Variants in PPM1H observed in about 807,000 individuals in gnomAD.
PPM1H encodes the protein protein phosphatase, Mg2+/Mn2+ dependent 1H.
Under a neutral mutation model 54.9 loss-of-function variants are expected in PPM1H, and 27 were observed. The ratio of observed to expected loss-of-function variants is 0.49; its 90% CI spans 0.36 to 0.68. The LOEUF is 0.68. PPM1H is among the 30% of genes least tolerant of loss of function. The pLI is 0.00. For synonymous variants in PPM1H, 305 were observed against 270.8 expected (o/e 1.13, Z -1.24); for missense variants, 596 against 667.8 (o/e 0.89, Z 1.19).
At chr12:62,651,109 A>C (rs1159514694) in intron 9 of PPM1H, among the ~76,000 whole-genome samples, 3 of 152,206 alleles carry the variant, frequency 2.0e-5, no homozygotes, top group African/African-American at 7.2e-5. Flanking sequence ...CCCAGGTATG[A>C]GCTGACTAGA....
intron 2 of PPM1H, among the ~76,000 whole-genome samples, chr12:62,804,905 G>A (rs1265459599): frequency 1.3e-5 from 2 of 151,800 alleles, no homozygotes; most frequent in Admixed American, 6.6e-5. Flanking sequence ...TCGATCTCCT[G>A]ACCTCGTGAT....
At chr12:62,755,695 G>T in intron 4 of PPM1H, 1 of 679,096 alleles carries the variant, frequency 1.5e-6, no homozygotes, top group South Asian at 1.6e-5. Flanking sequence ...CAACTGCTTA[G>T]TGCCTCTGGC....
At chr12:62,801,323 CTT>C (rs11366160) in intron 3 of PPM1H, among the ~76,000 whole-genome samples, 13 of 147,750 alleles carry the variant, frequency 8.8e-5, no homozygotes, top group African/African-American at 2.0e-4. Flanking sequence ...TCTTCTTTTA[CTT>C]TTTTTTTTTT....
At chr12:62,743,097 T>C (rs2076391363) in intron 4 of PPM1H, among the ~76,000 whole-genome samples, 2 of 152,178 alleles carry the variant, frequency 1.3e-5, no homozygotes, top group African/African-American at 4.8e-5. Flanking sequence ...ATGTCTGTAA[T>C]TCCAGCACTT....
intron 1 of PPM1H, among the ~76,000 whole-genome samples, chr12:62,854,281 C>T (rs1311934876): frequency 6.6e-6 from 1 of 152,166 alleles, no homozygotes; most frequent in East Asian, 1.9e-4. Flanking sequence ...GATGGCCACC[C>T]CACCTGCACA....
intron 1 of PPM1H, among the ~76,000 whole-genome samples, chr12:62,890,466 C>T (rs917841323): frequency 6.6e-6 from 1 of 152,022 alleles, no homozygotes; most frequent in African/African-American, 2.4e-5. Flanking sequence ...GTGCTTTCTG[C>T]TCAATTTTGT....
chr12:62,797,694 C>T (rs902562537), intron 3 of PPM1H, among the ~76,000 whole-genome samples: 1 of 152,144 alleles, frequency 6.6e-6, no homozygotes, highest in African/African-American at 2.4e-5. Context: ...TTGGCAATGG[C>T]CTTCCAGCTA....
intron 1 of PPM1H, among the ~76,000 whole-genome samples, chr12:62,843,085 G>A (rs142425712): frequency 3.0e-4 from 46 of 152,356 alleles, no homozygotes; most frequent in African/African-American, 1.1e-3. Context: ...GGAGGCTGAG[G>A]CCGGCGGATT....
intron 1 of PPM1H, among the ~76,000 whole-genome samples, chr12:62,907,287 G>T (rs1441406066): frequency 6.6e-6 from 1 of 152,178 alleles, no homozygotes; most frequent in African/African-American, 2.4e-5. Context: ...AGATTCCCAT[G>T]ATCATTACAT....
intron 1 of PPM1H, among the ~76,000 whole-genome samples, chr12:62,919,495 G>A (rs1198236500): frequency 6.6e-6 from 1 of 152,146 alleles, no homozygotes; most frequent in Non-Finnish European, 1.5e-5. Flanking sequence ...GTTAACAAAG[G>A]TTAATCCTTT....
At chr12:62,822,165 T>C (rs1227504238) in intron 2 of PPM1H, among the ~76,000 whole-genome samples, 1 of 152,092 alleles carries the variant, frequency 6.6e-6, no homozygotes, top group East Asian at 1.9e-4. Context: ...AAGAAGGCCA[T>C]TACATAATGG....
At chr12:62,932,628 C>CTTGTTTTTTTT (rs1872176998) in intron 1 of PPM1H, among the ~76,000 whole-genome samples, 1 of 54,012 alleles carries the variant, frequency 1.9e-5, no homozygotes, top group Non-Finnish European at 3.2e-5. Flanking sequence ...TCCAAATGGG[C>CTTGTTTTTTTT]TTTTTTTTTT....
chr12:62,731,545 C>G (rs2076321137), intron 5 of PPM1H, among the ~76,000 whole-genome samples: 1 of 152,180 alleles, frequency 6.6e-6, no homozygotes, highest in African/African-American at 2.4e-5. Context: ...ACCAGGGAAA[C>G]AGCAGACAAA....
At chr12:62,680,910 C>A (rs74844887) in intron 8 of PPM1H, among the ~76,000 whole-genome samples, 1 of 152,148 alleles carries the variant, frequency 6.6e-6, no homozygotes, top group East Asian at 1.9e-4. Context: ...ACTGAACTCC[C>A]TGGAGTTATT....
chr12:62,644,340 A>G lies in PPM1H; in HGVS notation c.*4149T>C, dbSNP rs996086422. ...AGAAAACTGGGGGCAAAACAGGAGTAAAATAATAACCTCAGGACTCAGGAA... is the reference window on the plus strand; with the variant it reads ...AGAAAACTGGGGGCAAAACAGGAGTGAAATAATAACCTCAGGACTCAGGAA... On this transcript the variant is annotated 3_prime_UTR_variant, in exon 10 of 10. Coordinates refer to ENST00000228705, the MANE Select transcript of PPM1H (RefSeq NM_020700.2). The G allele has an allele frequency of 2.0e-5, 3 of 152,272 alleles. No individual in the cohort carries two copies. Among genetic ancestry groups the G allele is most frequent in the Admixed American group, 2.0e-4 (3 of 15,282 alleles). The allele number at this position is 152,272 out of a possible 1,614,324, so 9.4% of individuals were successfully genotyped here.
chr12:62,758,536 A>C (rs1428074636), intron 4 of PPM1H, among the ~76,000 whole-genome samples: 1 of 151,982 alleles, frequency 6.6e-6, no homozygotes, highest in Non-Finnish European at 1.5e-5. Flanking sequence ...TGACTGAATC[A>C]CTGTTTGTTT....
At chr12:62,771,675 C>T (rs146514506) in intron 4 of PPM1H, among the ~76,000 whole-genome samples, 1 of 152,176 alleles carries the variant, frequency 6.6e-6, no homozygotes, top group Non-Finnish European at 1.5e-5. Context: ...TTGATAATCA[C>T]TGTTGATAAC....
chr12:62,838,276 C>G (rs951485350), intron 1 of PPM1H, among the ~76,000 whole-genome samples: 1 of 144,734 alleles, frequency 6.9e-6, no homozygotes, highest in African/African-American at 2.6e-5. Flanking sequence ...TGAGGGCCAT[C>G]AGGTGAAGTG....
At chr12:62,763,914 T>G (rs1469356760) in intron 4 of PPM1H, among the ~76,000 whole-genome samples, 2 of 152,154 alleles carry the variant, frequency 1.3e-5, no homozygotes, top group Non-Finnish European at 2.9e-5. Context: ...GGGTGAGCTT[T>G]GAGAGAGCCG....
Sources: allele counts gnomAD v4.1 joint callset (sites outside exome capture counted in the v4.1 genomes callset), GRCh38; gene constraint gnomAD v4.1.1; transcripts MANE v1.5; gene names NCBI Gene and HGNC (gene_info 2026-07-23, HGNC 2026-07-21).